The following CNTNAP5 variants were observed in gnomAD, a reference collection of about 807,000 sequenced individuals.
The protein encoded by CNTNAP5 is contactin-associated protein-like 5.
CNTNAP5 carries 72 observed loss-of-function variants against 150.2 expected under a neutral mutation model. The observed-to-expected ratio is 0.48, with a 90% CI of 0.40 to 0.58. CNTNAP5 has a LOEUF of 0.58. Ranked by LOEUF, CNTNAP5 falls within the 20% of genes least tolerant of loss-of-function variation. The probability of loss-of-function intolerance (pLI) is 0.00; values close to 1 mark genes in which losing one functional copy is unlikely to be tolerated. For synonymous variants in CNTNAP5, 672 were observed against 619.8 expected (o/e 1.08, Z -1.25); for missense variants, 1,636 against 1,626.2 (o/e 1.01, Z -0.10).
chr2:124,127,073 G>T (rs924484214), intron 1 of CNTNAP5, among the ~76,000 whole-genome samples: 5 of 152,146 alleles, frequency 3.3e-5, no homozygotes, highest in African/African-American at 1.2e-4. Context: ...AATCTGGAAG[G>T]AGAAAGAAAT....
At chr2:124,652,700 T>C (rs1004912848) in intron 13 of CNTNAP5, among the ~76,000 whole-genome samples, 3 of 152,086 alleles carry the variant, frequency 2.0e-5, no homozygotes, top group African/African-American at 7.2e-5. Context: ...GGAATGGGCA[T>C]TGGAAGGCCT....
At chr2:124,106,275 T>C (rs764311004) in intron 1 of CNTNAP5, among the ~76,000 whole-genome samples, 1 of 152,194 alleles carries the variant, frequency 6.6e-6, no homozygotes, top group African/African-American at 2.4e-5. Flanking sequence ...GTCCTTAGAA[T>C]CTGCAGAGTT....
At chr2:124,826,038 G>A (rs1305038559) in intron 19 of CNTNAP5, among the ~76,000 whole-genome samples, 1 of 151,866 alleles carries the variant, frequency 6.6e-6, no homozygotes, top group Non-Finnish European at 1.5e-5. Context: ...AGTATGCTCT[G>A]TTTTTTATAT....
intron 21 of CNTNAP5, among the ~76,000 whole-genome samples, chr2:124,889,207 C>T (rs569114623): frequency 4.8e-5 from 7 of 145,872 alleles, no homozygotes; most frequent in African/African-American, 1.8e-4. Flanking sequence ...TCAAGTGATT[C>T]TGCTGTTTCA....
chr2:124,068,705 C>A (rs2104661627), intron 1 of CNTNAP5, among the ~76,000 whole-genome samples: 1 of 151,696 alleles, frequency 6.6e-6, no homozygotes, highest in Non-Finnish European at 1.5e-5. Flanking sequence ...CTCCTTCCTT[C>A]TGCTTGAGGA....
rs551126536 is a variant in CNTNAP5, at chr2:124,224,008, G to A, written c.187+2199G>A. ...ATTAAACACTGGCTCAGGGAGATAC[G>A]GTATCAGTGGTTCTCATCCCAGGGC... On this transcript the variant is annotated intron_variant, in intron 2 of 23. Coordinates refer to ENST00000682447, the MANE Select transcript of CNTNAP5 (RefSeq NM_001367498.1). Among the ~76,000 whole-genome samples, 85 of 151,976 alleles carry A rather than the reference G, an allele frequency of 5.6e-4. 1 individual carries two copies. In the South Asian group the frequency reaches 0.015, roughly 26 times the overall value.
chr2:124,543,957 T>TA (rs1263753338), intron 10 of CNTNAP5, among the ~76,000 whole-genome samples: 3 of 151,896 alleles, frequency 2.0e-5, no homozygotes, highest in Non-Finnish European at 4.4e-5. Flanking sequence ...GCTAGTTTTT[T>TA]TTTCCTGCTA....
At chr2:124,568,542 A>C (rs1318356686) in intron 11 of CNTNAP5, among the ~76,000 whole-genome samples, 6 of 152,238 alleles carry the variant, frequency 3.9e-5, no homozygotes, top group African/African-American at 1.4e-4. Context: ...AGCTTTTCAC[A>C]TGCTACTGCA....
intron 3 of CNTNAP5, among the ~76,000 whole-genome samples, chr2:124,337,146 T>C (rs929656663): frequency 7.9e-5 from 12 of 152,242 alleles, no homozygotes; most frequent in Non-Finnish European, 1.8e-4. Context: ...CATTTTTTCA[T>C]GTGTCTTTTG....
At chr2:124,381,462 A>G (rs1377192376) in intron 3 of CNTNAP5, among the ~76,000 whole-genome samples, 3 of 152,092 alleles carry the variant, frequency 2.0e-5, no homozygotes, top group African/African-American at 7.2e-5. Flanking sequence ...AAGTAATCAC[A>G]TTGGGATAGA....
intron 5 of CNTNAP5, among the ~76,000 whole-genome samples, chr2:124,443,748 T>C (rs1692733524): frequency 6.6e-6 from 1 of 151,824 alleles, no homozygotes; most frequent in African/African-American, 2.4e-5. Context: ...AACTTAGTAG[T>C]TGATTAAAGG....
intron 2 of CNTNAP5, among the ~76,000 whole-genome samples, chr2:124,222,774 G>A (rs1377967323): frequency 6.7e-6 from 1 of 148,944 alleles, no homozygotes; most frequent in Non-Finnish European, 1.5e-5. Context: ...GTTAACACTT[G>A]AATTTATAAT....
intron 3 of CNTNAP5, among the ~76,000 whole-genome samples, chr2:124,385,949 C>T (rs1252996832): frequency 3.3e-5 from 5 of 152,112 alleles, no homozygotes; most frequent in African/African-American, 1.2e-4. Flanking sequence ...CAGAGTACAT[C>T]ATTCACTATG....
At chr2:124,870,218 A>G (rs6731611) in intron 21 of CNTNAP5, among the ~76,000 whole-genome samples, 2,568 of 151,260 alleles carry the variant, frequency 0.017, 60 homozygotes, top group African/African-American at 0.055. Context: ...AGTATTCATT[A>G]CATGCATACA....
At chr2:124,133,486 G>A (rs1021690526) in intron 1 of CNTNAP5, among the ~76,000 whole-genome samples, 3 of 152,078 alleles carry the variant, frequency 2.0e-5, no homozygotes, top group African/African-American at 4.8e-5. Context: ...CACAGTTGGG[G>A]CAAGGGCATG....
chr2:124,658,219 C>A (rs902097367), intron 13 of CNTNAP5, among the ~76,000 whole-genome samples: 3 of 152,158 alleles, frequency 2.0e-5, no homozygotes, highest in Admixed American at 6.5e-5. Flanking sequence ...AGAGCAACTT[C>A]ACAGAGCAAG....
intron 19 of CNTNAP5, among the ~76,000 whole-genome samples, chr2:124,848,818 G>A (rs1435520460): frequency 3.9e-5 from 6 of 152,128 alleles, no homozygotes; most frequent in Non-Finnish European, 8.8e-5. Context: ...TATCTATCCA[G>A]AACTTTTGCT....
intron 19 of CNTNAP5, among the ~76,000 whole-genome samples, chr2:124,862,969 T>C (rs1292047381): frequency 6.6e-6 from 1 of 152,086 alleles, no homozygotes; most frequent in Non-Finnish European, 1.5e-5. Context: ...AACTTGGATA[T>C]TGGGGGAAGC....
chr2:124,139,836 G>C (rs906147911), intron 1 of CNTNAP5, among the ~76,000 whole-genome samples: 1 of 152,184 alleles, frequency 6.6e-6, no homozygotes, highest in Non-Finnish European at 1.5e-5. Flanking sequence ...CAGCGTGAGC[G>C]ACGCAGAAGA....
Sources: allele counts gnomAD v4.1 joint callset (sites outside exome capture counted in the v4.1 genomes callset), GRCh38; gene constraint gnomAD v4.1.1; transcripts MANE v1.5; gene names NCBI Gene and HGNC (gene_info 2026-07-23, HGNC 2026-07-21).